The following HMGCLL1 variants were observed in gnomAD, a reference collection of about 807,000 sequenced individuals.
HMGCLL1 encodes 3-hydroxymethyl-3-methylglutaryl-CoA lyase, cytoplasmic.
In HMGCLL1, 36 loss-of-function variants were observed where a neutral mutation model predicts 39.1. That is an observed-to-expected ratio of 0.92 (90% CI 0.71 to 1.22). The LOEUF (loss-of-function observed/expected upper bound fraction) is 1.22, where lower values mean the gene tolerates loss of function less well. Ranked by LOEUF, HMGCLL1 falls within the 50% of genes most tolerant of loss-of-function variation. The pLI is 0.00. For missense variants in HMGCLL1, 451 were observed against 416.5 expected (o/e 1.08, Z -0.72); for synonymous variants, 149 against 144.0 (o/e 1.03, Z -0.25).
At chr6:55,474,912 G>T (rs1009957010) in intron 7 of HMGCLL1, among the ~76,000 whole-genome samples, 1 of 151,568 alleles carries the variant, frequency 6.6e-6, no homozygotes, top group African/African-American at 2.4e-5. Flanking sequence ...CAGATAAACG[G>T]GTCTGCTTCT....
At chr6:55,658,502 G>A in the HMGCLL1 span, among the ~76,000 whole-genome samples, 2 of 152,010 alleles carry the variant, frequency 1.3e-5, no homozygotes, top group East Asian at 3.9e-4. Context: ...CAGAATTAGA[G>A]TCATTCCTCT....
At chr6:55,483,084 C>A (rs1758844396) in intron 7 of HMGCLL1, among the ~76,000 whole-genome samples, 2 of 152,082 alleles carry the variant, frequency 1.3e-5, no homozygotes, top group African/African-American at 4.8e-5. Context: ...CATTTTTATA[C>A]AAATAATAAC....
intron 1 of HMGCLL1, among the ~76,000 whole-genome samples, chr6:55,576,552 A>C (rs1771770176): frequency 6.6e-6 from 1 of 152,248 alleles, no homozygotes; most frequent in African/African-American, 2.4e-5. Flanking sequence ...AACACTTTCC[A>C]ATTAGCTATA....
intron 5 of HMGCLL1, among the ~76,000 whole-genome samples, chr6:55,511,269 G>A (rs141922106): frequency 1.1e-3 from 163 of 152,016 alleles, no homozygotes; most frequent in African/African-American, 3.7e-3. Context: ...TTTTGCATTC[G>A]CATATAACCA....
At chr6:55,636,301 T>C in the HMGCLL1 span, among the ~76,000 whole-genome samples, 1 of 152,102 alleles carries the variant, frequency 6.6e-6, no homozygotes, top group Non-Finnish European at 1.5e-5. Flanking sequence ...TTATGGAGGG[T>C]ATATGTAAAC....
At chr6:55,502,194 G>A (rs2127428582) in intron 5 of HMGCLL1, among the ~76,000 whole-genome samples, 1 of 151,662 alleles carries the variant, frequency 6.6e-6, no homozygotes, top group South Asian at 2.1e-4. Context: ...CAGTTATCTT[G>A]GCATATTGAA....
chr6:55,584,419 T>A, the HMGCLL1 span, among the ~76,000 whole-genome samples: 2 of 151,644 alleles, frequency 1.3e-5, no homozygotes, highest in African/African-American at 2.4e-5. Context: ...AGAAGCCACA[T>A]GCTCTACACT....
At chr6:55,491,715 G>C (rs1766319583) in intron 7 of HMGCLL1, among the ~76,000 whole-genome samples, 1 of 152,060 alleles carries the variant, frequency 6.6e-6, no homozygotes, top group Non-Finnish European at 1.5e-5. Context: ...TAAAAATTCA[G>C]ATAAGTTTAT....
the HMGCLL1 span, among the ~76,000 whole-genome samples, chr6:55,614,152 A>T: frequency 6.6e-6 from 1 of 152,138 alleles, no homozygotes; most frequent in Non-Finnish European, 1.5e-5. Context: ...AATAAATTGC[A>T]TTAAAAATGA....
chr6:55,633,183 G>A, the HMGCLL1 span, among the ~76,000 whole-genome samples: 11 of 152,104 alleles, frequency 7.2e-5, no homozygotes, highest in East Asian at 7.7e-4. Flanking sequence ...TCAAATTTAC[G>A]TTTCACAAAA....
At chr6:55,623,718 CAT>C in the HMGCLL1 span, among the ~76,000 whole-genome samples, 1 of 149,440 alleles carries the variant, frequency 6.7e-6, no homozygotes, top group Middle Eastern at 3.3e-3. Context: ...ATATATATTA[CAT>C]ATATATGCAT....
chr6:55,477,289 ATAAAATAATATATATTAT>A (rs1765429448), intron 7 of HMGCLL1, among the ~76,000 whole-genome samples: 1 of 16,132 alleles, frequency 6.2e-5, no homozygotes, highest in African/African-American at 8.4e-4. Context: ...TATATTATAT[ATAAAATAATATATATTAT>A]ATATATAATA....
the HMGCLL1 span, among the ~76,000 whole-genome samples, chr6:55,592,239 C>G: frequency 6.6e-6 from 1 of 151,934 alleles, no homozygotes. Flanking sequence ...TTACCTTTCT[C>G]TCTTTTAATT....
the HMGCLL1 span, among the ~76,000 whole-genome samples, chr6:55,616,788 TAAAG>T: frequency 6.6e-6 from 1 of 151,830 alleles, no homozygotes; most frequent in Non-Finnish European, 1.5e-5. Context: ...AAAATATCAG[TAAAG>T]AAAGAAGAAT....
the HMGCLL1 span, among the ~76,000 whole-genome samples, chr6:55,637,120 G>A: frequency 2.1e-4 from 32 of 152,124 alleles, no homozygotes; most frequent in Non-Finnish European, 7.4e-5. Context: ...TACCATTTAA[G>A]ATGTTTCAGC....
chr6:55,525,226 G>T (rs1251100261), intron 3 of HMGCLL1, among the ~76,000 whole-genome samples: 1 of 151,374 alleles, frequency 6.6e-6, no homozygotes, highest in Non-Finnish European at 1.5e-5. Context: ...AATTCTAGAG[G>T]GCCTTAGAGG....
chr6:55,445,879 T>A (rs1318995757), intron 7 of HMGCLL1, among the ~76,000 whole-genome samples: 1 of 152,116 alleles, frequency 6.6e-6, no homozygotes, highest in Non-Finnish European at 1.5e-5. Context: ...CCCCACTCAC[T>A]GTGTTGCAGT....
the HMGCLL1 span, among the ~76,000 whole-genome samples, chr6:55,665,968 C>T: frequency 6.6e-6 from 1 of 151,608 alleles, no homozygotes; most frequent in African/African-American, 2.4e-5. Context: ...CAGGAAGGGC[C>T]ACATATTGTC....
intron 3 of HMGCLL1, among the ~76,000 whole-genome samples, chr6:55,518,754 A>C (rs759851491): frequency 1.3e-5 from 2 of 152,038 alleles, no homozygotes; most frequent in Non-Finnish European, 2.9e-5. Context: ...TCACCCCCTA[A>C]ATTTGTGATT....
Sources: allele counts gnomAD v4.1 joint callset (sites outside exome capture counted in the v4.1 genomes callset), GRCh38; gene constraint gnomAD v4.1.1; transcripts MANE v1.5; gene names NCBI Gene and HGNC (gene_info 2026-07-23, HGNC 2026-07-21).